The following NELL1 variants were observed in gnomAD, a reference collection of about 807,000 sequenced individuals.
The protein encoded by NELL1 is neural EGFL like 1.
A neutral mutation model predicts 107.4 loss-of-function variants in NELL1; 76 were observed. That is an observed-to-expected ratio of 0.71 (90% CI 0.59 to 0.86). The LOEUF (loss-of-function observed/expected upper bound fraction) is 0.86, where lower values mean the gene tolerates loss of function less well. NELL1 is among the 40% of genes least tolerant of loss of function. NELL1 has a pLI of 0.00. For synonymous variants in NELL1, 353 were observed against 341.2 expected, an observed-to-expected ratio of 1.03 and a Z score of -0.38; for missense variants, 1,024 against 1,005.5, an observed-to-expected ratio of 1.02 and a Z score of -0.25.
intron 13 of NELL1, among the ~76,000 whole-genome samples, chr11:21,131,491 A>G (rs967857774): frequency 3.9e-5 from 6 of 152,194 alleles, no homozygotes; most frequent in Non-Finnish European, 8.8e-5. Context: ...CATCTGCAGC[A>G]GGAGATTTTT....
rs187263309 is a variant in NELL1 at position 21,148,719 on chromosome 11, A to C, written c.1426+35005A>C. 1.6e-3 allele frequency among the ~76,000 whole-genome samples: 245 copies of C among 152,342 alleles called. 1 individual carries two copies. The highest frequency in any genetic ancestry group is 5.7e-3 in the African/African-American group (238 of 41,588). On this transcript the variant is annotated intron_variant, in intron 13 of 19. Transcript: ENST00000357134. ...GAGCCAGTAAATTGGATTGGGGACC[A>C]GGGAGAATTTTACTTGAGATATTTT... is the stretch of plus-strand genomic sequence containing the variant.
chr11:20,735,785 A>G (rs1855749434), intron 2 of NELL1, among the ~76,000 whole-genome samples: 1 of 152,226 alleles, frequency 6.6e-6, no homozygotes, highest in African/African-American at 2.4e-5. Context: ...GACAAAGAGC[A>G]GTAGCTGAAT....
chr11:20,844,859 C>T (rs12284541), intron 3 of NELL1, among the ~76,000 whole-genome samples: 49,134 of 152,158 alleles, frequency 0.32, 8,968 homozygotes, highest in African/African-American at 0.49. Flanking sequence ...TGGTGTTCTA[C>T]AGACCACCCT....
intron 15 of NELL1, among the ~76,000 whole-genome samples, chr11:21,468,433 T>C (rs1043627540): frequency 2.0e-5 from 3 of 152,240 alleles, no homozygotes; most frequent in Non-Finnish European, 1.5e-5. Context: ...TTTAATAGTA[T>C]TATTTTGAGC....
chr11:21,312,299 C>A (rs1849766216), intron 14 of NELL1, among the ~76,000 whole-genome samples: 1 of 151,914 alleles, frequency 6.6e-6, no homozygotes, highest in African/African-American at 2.4e-5. Context: ...TAGCAACTAC[C>A]CGGAAGAGCT....
intron 13 of NELL1, among the ~76,000 whole-genome samples, chr11:21,178,890 G>T (rs1356843255): frequency 3.3e-5 from 5 of 151,786 alleles, no homozygotes; most frequent in Non-Finnish European, 7.3e-5. Flanking sequence ...AAACTGGAAG[G>T]TAACCCATGT....
chr11:21,439,816 A>T (rs10500909), intron 15 of NELL1, among the ~76,000 whole-genome samples: 61,323 of 151,978 alleles, frequency 0.4, 15,079 homozygotes, highest in African/African-American at 0.68. Context: ...TCTGGAATTT[A>T]CCTGAGAACA....
At chr11:21,371,276 T>A (rs1851353837) in intron 15 of NELL1, among the ~76,000 whole-genome samples, 1 of 152,126 alleles carries the variant, frequency 6.6e-6, no homozygotes, top group Non-Finnish European at 1.5e-5. Flanking sequence ...CTGGGTAGCA[T>A]CACACACAGT....
Position 20,891,966 on chromosome 11 carries a change from A to C in NELL1, c.603+6426A>C, listed in dbSNP as rs1000680253. Among the ~76,000 whole-genome samples, 4 of 152,186 alleles carry C rather than the reference A, an allele frequency of 2.6e-5. No homozygotes were observed. The East Asian group carries it at 7.7e-4, about 29-fold the overall frequency. On this transcript the variant is annotated intron_variant, in intron 5 of 19. Transcript: ENST00000357134. ...TATTAGACAGATCAACGAGACAGAA[A>C]ATTAACAAGGATATTCAGGACTTGA...
intron 3 of NELL1, among the ~76,000 whole-genome samples, chr11:20,789,238 A>G (rs963259626): frequency 6.6e-6 from 1 of 152,208 alleles, no homozygotes; most frequent in African/African-American, 2.4e-5. Context: ...TCCAAGGGAG[A>G]TGGGAGTCAG....
intron 12 of NELL1, among the ~76,000 whole-genome samples, chr11:21,032,331 C>A (rs1852981838): frequency 6.6e-6 from 1 of 152,024 alleles, no homozygotes; most frequent in Non-Finnish European, 1.5e-5. Flanking sequence ...CTTACCTTAA[C>A]AAAATCTAAA....
chr11:20,919,726 C>T (rs1312579350), intron 7 of NELL1, among the ~76,000 whole-genome samples: 1 of 151,970 alleles, frequency 6.6e-6, no homozygotes, highest in Non-Finnish European at 1.5e-5. Context: ...TCGGAAGGGG[C>T]AAAATAGCTA....
intron 15 of NELL1, among the ~76,000 whole-genome samples, chr11:21,503,313 G>A (rs1281322709): frequency 1.3e-5 from 2 of 152,198 alleles, no homozygotes; most frequent in Non-Finnish European, 2.9e-5. Flanking sequence ...TGTTAAAAGA[G>A]TAAATTGAAT....
At chr11:21,287,661 T>C (rs1422115277) in intron 14 of NELL1, among the ~76,000 whole-genome samples, 1 of 152,178 alleles carries the variant, frequency 6.6e-6, no homozygotes, top group East Asian at 1.9e-4. Flanking sequence ...TCCTTTCTTC[T>C]TCATTAGATG....
intron 15 of NELL1, among the ~76,000 whole-genome samples, chr11:21,453,114 A>C (rs1458315502): frequency 2.0e-5 from 3 of 152,122 alleles, no homozygotes. Flanking sequence ...TCTAAATGTC[A>C]ATAAGGATAT....
chr11:20,862,998 ACTT>A lies in NELL1; in HGVS notation c.506+15249_506+15251del, dbSNP rs577547322. Among the ~76,000 whole-genome samples, 345 of 151,970 alleles carry A rather than the reference ACTT, an allele frequency of 2.3e-3. 1 individual carries two copies. The highest frequency in any genetic ancestry group is 7.7e-3 in the African/African-American group (321 of 41,454). ...GAACAAAATGAAGTCTCCCATGTCTACTTCTTTCTACACAGACACAGCAACAAT... is the reference window on the plus strand; with the variant it reads ...GAACAAAATGAAGTCTCCCATGTCTACTTTCTACACAGACACAGCAACAAT... On this transcript the variant is annotated intron_variant, in intron 4 of 19. Coordinates refer to ENST00000357134, the MANE Select transcript of NELL1 (RefSeq NM_006157.5).
chr11:20,936,382 C>A (rs986593558), intron 9 of NELL1, among the ~76,000 whole-genome samples: 1 of 152,190 alleles, frequency 6.6e-6, no homozygotes, highest in African/African-American at 2.4e-5. Context: ...GGAAGTGGAT[C>A]TCCATGTACC....
intron 15 of NELL1, among the ~76,000 whole-genome samples, chr11:21,371,553 A>T (rs557878359): frequency 9.2e-5 from 14 of 152,194 alleles, no homozygotes; most frequent in Admixed American, 7.2e-4. Context: ...TCCAACTCTT[A>T]TTGATTGGAG....
intron 14 of NELL1, among the ~76,000 whole-genome samples, chr11:21,239,222 T>C (rs1242726205): frequency 6.6e-6 from 1 of 152,114 alleles, no homozygotes; most frequent in Non-Finnish European, 1.5e-5. Flanking sequence ...ATAAACATTA[T>C]GTATATAATA....
Sources: gnomAD v4.1 joint callset for allele counts (sites outside exome capture counted in the v4.1 genomes callset) on GRCh38, gnomAD v4.1.1 for gene constraint, MANE v1.5 for transcripts, NCBI Gene and HGNC (gene_info 2026-07-23, HGNC 2026-07-21) for gene names.